Variants in SPOCK1 observed in about 807,000 individuals in gnomAD.
The protein encoded by SPOCK1 is testican-1.
In SPOCK1, 23 loss-of-function variants were observed where a neutral mutation model predicts 55.3. The observed-to-expected ratio is 0.42, with a 90% CI of 0.30 to 0.59. The LOEUF (loss-of-function observed/expected upper bound fraction) is 0.59. Ranked by LOEUF, SPOCK1 falls within the 20% of genes least tolerant of loss-of-function variation. The pLI is 0.22. For synonymous variants in SPOCK1, 226 were observed against 221.0 expected (o/e 1.02, Z -0.20); for missense variants, 499 against 552.5 (o/e 0.90, Z 0.97).
rs552734012 is a variant in SPOCK1 at position 137,388,055 on chromosome 5, T to C, written c.186+110318A>G. Among the ~76,000 whole-genome samples, 21 of 152,216 alleles carry C rather than the reference T, an allele frequency of 1.4e-4. No individual in the cohort carries two copies. In the South Asian group the frequency reaches 4.4e-3, roughly 32 times the overall value. ...TTCCCATAAAAGCTATTGAACTAAG[T>C]CCTACCTTGTCCACCTAGGGTCAAT... On this transcript the variant is annotated intron_variant, in intron 2 of 10. Coordinates refer to ENST00000394945, the MANE Select transcript of SPOCK1 (RefSeq NM_004598.4).
At chr5:137,183,214 T>G (rs1755003638) in intron 3 of SPOCK1, among the ~76,000 whole-genome samples, 1 of 152,052 alleles carries the variant, frequency 6.6e-6, no homozygotes, top group African/African-American at 2.4e-5. Context: ...AAAGTACTCA[T>G]CCCCAGTCAC....
intron 2 of SPOCK1, among the ~76,000 whole-genome samples, chr5:137,273,922 T>C (rs955412011): frequency 2.0e-5 from 3 of 152,210 alleles, no homozygotes; most frequent in Admixed American, 6.5e-5. Flanking sequence ...ATATGTAAAA[T>C]GAATAGCATT....
chr5:137,272,647 A>T (rs1234257643), intron 2 of SPOCK1, among the ~76,000 whole-genome samples: 1 of 151,768 alleles, frequency 6.6e-6, no homozygotes, highest in Non-Finnish European at 1.5e-5. Context: ...CTTCCATCCA[A>T]AGCTACCACT....
At chr5:136,996,794 A>T (rs1444413556) in intron 6 of SPOCK1, among the ~76,000 whole-genome samples, 1 of 152,100 alleles carries the variant, frequency 6.6e-6, no homozygotes, top group African/African-American at 2.4e-5. Flanking sequence ...AAAAAAGGAC[A>T]CTCTGATAGG....
intron 2 of SPOCK1, among the ~76,000 whole-genome samples, chr5:137,320,323 G>A (rs1380255649): frequency 6.6e-6 from 1 of 152,162 alleles, no homozygotes; most frequent in Non-Finnish European, 1.5e-5. Flanking sequence ...ACAAAAGAGA[G>A]CTCAGAAGCT....
intron 9 of SPOCK1, among the ~76,000 whole-genome samples, chr5:136,983,108 C>G (rs1196292263): frequency 6.6e-6 from 1 of 152,242 alleles, no homozygotes; most frequent in African/African-American, 2.4e-5. Context: ...CCATCTACAT[C>G]AGCCTCCTGA....
chr5:137,032,680 G>T (rs1278398421), intron 6 of SPOCK1, among the ~76,000 whole-genome samples: 8 of 152,124 alleles, frequency 5.3e-5, no homozygotes, highest in Non-Finnish European at 5.9e-5. Flanking sequence ...GAAGGAGGTG[G>T]TCAACATCCC....
intron 2 of SPOCK1, among the ~76,000 whole-genome samples, chr5:137,352,722 C>A (rs1750710717): frequency 6.6e-6 from 1 of 152,060 alleles, no homozygotes; most frequent in African/African-American, 2.4e-5. Context: ...TCAGAAATAA[C>A]CTGAAAAGGC....
At chr5:137,428,570 C>CT (rs1752681902) in intron 2 of SPOCK1, among the ~76,000 whole-genome samples, 1 of 152,194 alleles carries the variant, frequency 6.6e-6, no homozygotes, top group Admixed American at 6.5e-5. Context: ...TTTGTAGACT[C>CT]TGTCTACTCA....
At chr5:137,250,251 A>G (rs1756483835) in intron 3 of SPOCK1, among the ~76,000 whole-genome samples, 1 of 152,122 alleles carries the variant, frequency 6.6e-6, no homozygotes, top group Non-Finnish European at 1.5e-5. Context: ...GCACATATGG[A>G]CCCCAAAGGC....
At chr5:136,979,511 AT>A (rs3217011) in intron 9 of SPOCK1, 42 bp from the exon 10 acceptor site, 1,357,791 of 1,604,466 alleles carry the variant, frequency 0.85, 585,666 homozygotes, top group Middle Eastern at 0.91. Context: ...AGACATGCAG[AT>A]GATACTCGGG....
chr5:137,471,484 T>C (rs1001968312), intron 2 of SPOCK1, among the ~76,000 whole-genome samples: 2 of 152,202 alleles, frequency 1.3e-5, no homozygotes, highest in Non-Finnish European at 2.9e-5. Context: ...GCTCAGCCCA[T>C]AGTAAATTCT....
intron 5 of SPOCK1, among the ~76,000 whole-genome samples, chr5:137,102,421 T>C (rs1264616432): frequency 1.3e-5 from 2 of 152,036 alleles, no homozygotes; most frequent in African/African-American, 2.4e-5. Flanking sequence ...GCAGAATAAA[T>C]ACAAGTAGAA....
chr5:137,340,230 G>A (rs1043988476), intron 2 of SPOCK1, among the ~76,000 whole-genome samples: 1 of 152,112 alleles, frequency 6.6e-6, no homozygotes, highest in Non-Finnish European at 1.5e-5. Context: ...TGGATGACAC[G>A]CCCTCTTCCA....
chr5:137,024,192 C>G (rs888766108), intron 6 of SPOCK1, among the ~76,000 whole-genome samples: 9 of 151,480 alleles, frequency 5.9e-5, no homozygotes, highest in Non-Finnish European at 8.8e-5. Context: ...TACTGCTACT[C>G]TGATAAGGTT....
intron 2 of SPOCK1, among the ~76,000 whole-genome samples, chr5:137,294,045 G>T (rs750303554): frequency 2.0e-5 from 3 of 152,264 alleles, no homozygotes; most frequent in South Asian, 4.2e-4. Context: ...TCCCTATTCT[G>T]CACTGCCCAA....
chr5:137,417,441 A>G (rs1014225616), intron 2 of SPOCK1, among the ~76,000 whole-genome samples: 4 of 151,346 alleles, frequency 2.6e-5, no homozygotes, highest in African/African-American at 9.7e-5. Flanking sequence ...ACATTCACAT[A>G]CACTGTGTAA....
chr5:137,108,454 ATGCCATTTCCCAC>A (rs1026040607), intron 5 of SPOCK1, among the ~76,000 whole-genome samples: 15 of 152,280 alleles, frequency 9.9e-5, no homozygotes, highest in African/African-American at 3.1e-4. Flanking sequence ...ACCAACACCC[ATGCCATTTCCCAC>A]TGCAGCAGTG....
At chr5:137,116,944 C>A (rs1202612872) in intron 4 of SPOCK1, among the ~76,000 whole-genome samples, 1 of 152,188 alleles carries the variant, frequency 6.6e-6, no homozygotes, top group Non-Finnish European at 1.5e-5. Context: ...CAGGAAGCCT[C>A]CTAGGTCCCT....
Sources: gnomAD v4.1 joint callset for allele counts (sites outside exome capture counted in the v4.1 genomes callset) on GRCh38, gnomAD v4.1.1 for gene constraint, MANE v1.5 for transcripts, NCBI Gene and HGNC (gene_info 2026-07-23, HGNC 2026-07-21) for gene names.